The following TPO variants were observed in gnomAD, a reference collection of about 807,000 sequenced individuals.
The protein encoded by TPO is thyroid microsomal antigen.
In TPO, 78 loss-of-function variants were observed where a neutral mutation model predicts 96.9. The ratio of observed to expected loss-of-function variants is 0.81; its 90% CI spans 0.67 to 0.97. The LOEUF (loss-of-function observed/expected upper bound fraction) is 0.97. Ranked by LOEUF, TPO falls within the 50% of genes least tolerant of loss-of-function variation. TPO has a pLI of 0.00. For synonymous variants in TPO, 547 were observed against 538.0 expected (o/e 1.02, Z -0.23); for missense variants, 1,252 against 1,274.8 (o/e 0.98, Z 0.27).
chr2:1,524,503 C>T lies in TPO; in HGVS notation c.2618+7521C>T, dbSNP rs555533020. 2.4e-5 allele frequency among the ~76,000 whole-genome samples: 3 copies of T among 126,026 alleles called. No individual in the cohort carries two copies. The East Asian group carries it at 7.9e-4, about 33-fold the overall frequency. The allele number at this position is 126,026 out of a possible 152,430, so 82.7% of individuals were successfully genotyped here. ...TGTGCAACCTCCTCAAATCCTCCCA[C>T]TGTGTGCAGCCTCCCCAAATCCCAC... On this transcript the variant is annotated intron_variant, in intron 15 of 16. Transcript: ENST00000329066.
At chr2:1,472,043 A>T (rs1669474833) in intron 7 of TPO, among the ~76,000 whole-genome samples, 1 of 151,948 alleles carries the variant, frequency 6.6e-6, no homozygotes, top group Middle Eastern at 3.4e-3. Flanking sequence ...TTGAGTGCTC[A>T]TAGTATGTTC....
intron 15 of TPO, among the ~76,000 whole-genome samples, chr2:1,527,452 ACCCCACTGTGTGCAACCTCCTCAAATC>A (rs1676855867): frequency 6.4e-5 from 4 of 62,344 alleles, no homozygotes; most frequent in African/African-American, 2.6e-4. Flanking sequence ...CTCCTCAAAT[ACCCCACTGTGTGCAACCTCCTCAAATC>A]CCCCCATCTG....
chr2:1,452,049 C>T (rs1178873551), intron 5 of TPO, among the ~76,000 whole-genome samples: 1 of 152,036 alleles, frequency 6.6e-6, no homozygotes, highest in Non-Finnish European at 1.5e-5. Flanking sequence ...TCTTACCATG[C>T]ATTTATATAT....
chr2:1,490,068 A>T (rs56077943), intron 10 of TPO, among the ~76,000 whole-genome samples: 31 of 64,806 alleles, frequency 4.8e-4, no homozygotes, highest in Admixed American at 9.9e-4. Flanking sequence ...AGCCGCCACG[A>T]GGGTCCCACA....
At chr2:1,402,376 C>T (rs532699856) in intron 1 of TPO, among the ~76,000 whole-genome samples, 3 of 152,248 alleles carry the variant, frequency 2.0e-5, no homozygotes, top group Admixed American at 1.3e-4. Flanking sequence ...CTCCAGACCC[C>T]GAAGGACCTG....
In TPO at chr2:1,537,774, CTCCCCAAATCCCCCCATTGTGAGCAATG is replaced by C. The variant is rs1328218718; in HGVS notation, c.2619-2803_2619-2776del. Among the ~76,000 whole-genome samples, 429 of 144,224 alleles carry C rather than the reference CTCCCCAAATCCCCCCATTGTGAGCAATG, an allele frequency of 3.0e-3. 1 individual carries two copies. The highest frequency in any genetic ancestry group is 4.0e-3 in the Non-Finnish European group (266 of 66,242). 94.6% of individuals were successfully genotyped at this position (144,224 alleles called of 152,430 possible). A position where few individuals can be genotyped will look rare whatever the true frequency, so the allele number is the denominator to read the frequency against. On this transcript the variant is annotated intron_variant, in intron 15 of 16. Coordinates refer to ENST00000329066, the MANE Select transcript of TPO (RefSeq NM_001206744.2). Reference sequence around the variant, plus strand: ...CCACATCTCCCTCACTGAGTACAACCTCCCCAAATCCCCCCATTGTGAGCAATGTCCCCAAATCCCCCCACTGTGAGCA... The same window carrying C: ...CCACATCTCCCTCACTGAGTACAACCTCCCCAAATCCCCCCACTGTGAGCA...
At position 1,531,537 on chromosome 2, in the gene TPO, A is replaced by G. The variant is rs1311357444; in HGVS notation, c.2619-9057A>G. Among the ~76,000 whole-genome samples, 25 of 88,280 alleles carry G rather than the reference A, an allele frequency of 2.8e-4. 1 individual carries two copies. Among genetic ancestry groups the G allele is most frequent in the East Asian group, 1.5e-3 (4 of 2,588 alleles). 57.9% of individuals were successfully genotyped at this position (88,280 alleles called of 152,430 possible). Reference sequence around the variant, plus strand: ...CCCCCACTGTGTGCAACCTCCTCAAATCCCTCCCACTCTGTGCAAACTCCC... The same window carrying G: ...CCCCCACTGTGTGCAACCTCCTCAAGTCCCTCCCACTCTGTGCAAACTCCC... On this transcript the variant is annotated intron_variant, in intron 15 of 16. Transcript: ENST00000329066.
chr2:1,502,275 C>A (rs980518475), intron 13 of TPO, among the ~76,000 whole-genome samples: 2 of 152,150 alleles, frequency 1.3e-5, no homozygotes, highest in African/African-American at 4.8e-5. Flanking sequence ...GGTTTAACAG[C>A]CTTGACATGG....
In TPO at chr2:1,542,497, A is replaced by C; in HGVS notation, c.*23A>C. On this transcript the variant is annotated 3_prime_UTR_variant, in exon 17 of 17. Coordinates refer to ENST00000329066, the MANE Select transcript of TPO (RefSeq NM_001206744.2). ...TGAGGGCAAAGTGGCAGGACACTGCAGAACAGCTTCATGTTCCCAAAATCA... is the reference window on the plus strand; with the variant it reads ...TGAGGGCAAAGTGGCAGGACACTGCCGAACAGCTTCATGTTCCCAAAATCA... 6.2e-7 allele frequency: 1 copy of C among 1,614,020 alleles called. No individual in the cohort carries two copies. The highest frequency in any genetic ancestry group is 8.5e-7 in the Non-Finnish European group (1 of 1,179,986).
At chr2:1,409,524 C>A (rs2148387043), upstream of TPO, among the ~76,000 whole-genome samples, 1 of 152,300 alleles carries the variant, frequency 6.6e-6, no homozygotes, top group South Asian at 2.1e-4. Context: ...ACCTCCTTCA[C>A]CCACCTGCTC....
At chr2:1,461,664 A>C (rs1668445884) in intron 7 of TPO, among the ~76,000 whole-genome samples, 1 of 152,086 alleles carries the variant, frequency 6.6e-6, no homozygotes, top group South Asian at 2.1e-4. Context: ...ACCTGTGTGC[A>C]CGCCCTTGTG....
At chr2:1,488,129 CTCCAGT>C in intron 10 of TPO, 138 bp downstream of exon 10, 3 of 1,247,216 alleles carry the variant, frequency 2.4e-6, no homozygotes, top group Non-Finnish European at 3.4e-6. Context: ...TCTTAAAGGG[CTCCAGT>C]TCATTCAGCT....
intron 14 of TPO, among the ~76,000 whole-genome samples, chr2:1,511,769 C>G (rs1034551329): frequency 6.6e-6 from 1 of 152,196 alleles, no homozygotes; most frequent in Non-Finnish European, 1.5e-5. Flanking sequence ...ACTGCAATTA[C>G]CTCCTCAAAT....
intron 3 of TPO, among the ~76,000 whole-genome samples, chr2:1,429,155 G>C (rs1200320053): frequency 6.6e-6 from 1 of 152,154 alleles, no homozygotes; most frequent in Non-Finnish European, 1.5e-5. Flanking sequence ...GGGAGTTTTT[G>C]CTCAGTTACT....
chr2:1,489,252 TACCCAGCACAC>T (rs749812163), intron 10 of TPO, among the ~76,000 whole-genome samples: 1 of 147,616 alleles, frequency 6.8e-6, no homozygotes, highest in Non-Finnish European at 1.5e-5. Flanking sequence ...GCCTAGCACA[TACCCAGCACAC>T]ACCCACACAT....
chr2:1,506,703 T>C (rs1470760205), intron 14 of TPO, among the ~76,000 whole-genome samples: 148 of 142,166 alleles, frequency 1.0e-3, no homozygotes, highest in South Asian at 3.2e-3. Flanking sequence ...TGTCTGTTCA[T>C]ATCCTTCACC....
At chr2:1,532,038 T>C (rs1573611690) in intron 15 of TPO, among the ~76,000 whole-genome samples, 1 of 113,738 alleles carries the variant, frequency 8.8e-6, no homozygotes, top group African/African-American at 3.3e-5. Context: ...CCCCTCACTG[T>C]GTGCAACCTC....
At chr2:1,383,066 T>G (rs1163815220) in intron 1 of TPO, among the ~76,000 whole-genome samples, 1 of 152,148 alleles carries the variant, frequency 6.6e-6, no homozygotes, top group Non-Finnish European at 1.5e-5. Flanking sequence ...CATCATTTTT[T>G]ATGGCCGCAT....
At chr2:1,503,588 C>T (rs1284393596) in intron 13 of TPO, among the ~76,000 whole-genome samples, 2 of 152,134 alleles carry the variant, frequency 1.3e-5, no homozygotes, top group Non-Finnish European at 2.9e-5. Flanking sequence ...CGAAGCAGAC[C>T]CTGCCCCACC....
Sources: gnomAD v4.1 joint callset for allele counts (sites outside exome capture counted in the v4.1 genomes callset) on GRCh38, gnomAD v4.1.1 for gene constraint, MANE v1.5 for transcripts, NCBI Gene and HGNC (gene_info 2026-07-23, HGNC 2026-07-21) for gene names.